STXBP5L: variants seen among roughly 807,000 people sequenced by gnomAD.
The protein encoded by STXBP5L is syntaxin binding protein 5L, also known as syntaxin-binding protein 5-like.
In STXBP5L, 65 loss-of-function variants were observed where a neutral mutation model predicts 144.5. The ratio of observed to expected loss-of-function variants is 0.45; its 90% CI spans 0.37 to 0.55. The LOEUF (loss-of-function observed/expected upper bound fraction) is 0.55, where lower values mean the gene tolerates loss of function less well. Among genes scored for constraint, STXBP5L ranks in the 20% least tolerant of loss-of-function variants. The pLI is 0.00. For synonymous variants in STXBP5L, 505 were observed against 469.6 expected, an observed-to-expected ratio of 1.08 and a Z score of -0.97; for missense variants, 1,298 against 1,405.5, an observed-to-expected ratio of 0.92 and a Z score of 1.22.
intron 5 of STXBP5L, among the ~76,000 whole-genome samples, chr3:121,081,772 T>A (rs2042258897): frequency 6.6e-6 from 1 of 152,168 alleles, no homozygotes; most frequent in South Asian, 2.1e-4. Context: ...GGCCCAGTAT[T>A]TATTAAGTTG....
chr3:121,207,773 C>A (rs1274287699), intron 10 of STXBP5L, among the ~76,000 whole-genome samples: 1 of 152,070 alleles, frequency 6.6e-6, no homozygotes, highest in Non-Finnish European at 1.5e-5. Context: ...CAAATCAAAA[C>A]CACAGTGAGA....
At chr3:121,333,005 T>A (rs2044375279) in intron 20 of STXBP5L, among the ~76,000 whole-genome samples, 1 of 151,840 alleles carries the variant, frequency 6.6e-6, no homozygotes, top group African/African-American at 2.4e-5. Flanking sequence ...GAAGGAGAAA[T>A]AAAGTCTTTT....
chr3:121,282,845 T>A (rs1363093200), intron 19 of STXBP5L, among the ~76,000 whole-genome samples: 1 of 152,026 alleles, frequency 6.6e-6, no homozygotes. Flanking sequence ...TATACAAACA[T>A]ATTTCTATGG....
chr3:120,973,338 GT>G (rs2107806199), intron 3 of STXBP5L, among the ~76,000 whole-genome samples: 1 of 151,618 alleles, frequency 6.6e-6, no homozygotes, highest in African/African-American at 2.4e-5. Flanking sequence ...CTTCCTCTTG[GT>G]TTTTAGTTTG....
intron 3 of STXBP5L, among the ~76,000 whole-genome samples, chr3:121,037,796 G>C (rs1409762168): frequency 6.6e-6 from 1 of 151,908 alleles, no homozygotes; most frequent in Non-Finnish European, 1.5e-5. Flanking sequence ...TCTTGACCTG[G>C]AGTTTTCTTT....
chr3:121,095,782 A>T (rs1004677595), intron 5 of STXBP5L, among the ~76,000 whole-genome samples: 1 of 152,050 alleles, frequency 6.6e-6, no homozygotes, highest in African/African-American at 2.4e-5. Flanking sequence ...TTCTTCTCTC[A>T]ACTCGTCAAA....
Position 121,419,206 on chromosome 3 carries a change from C to A in STXBP5L, c.*109C>A. On this transcript the variant is annotated 3_prime_UTR_variant, in exon 27 of 27. Transcript: ENST00000471454. ...AGCCAGTTTCTTCTACAAAATGTTC[C>A]ATTTACAGTCAATCTGAAATTTTCA... 1 of 1,052,756 alleles carries A rather than the reference C, an allele frequency of 9.5e-7. No individual in the cohort carries two copies. Among genetic ancestry groups the A allele is most frequent in the South Asian group, 1.6e-5 (1 of 60,880 alleles). The allele number at this position is 1,052,756 out of a possible 1,614,324, so 65.2% of individuals were successfully genotyped here. A position where few individuals can be genotyped will look rare whatever the true frequency, so the allele number is the denominator to read the frequency against.
At chr3:121,412,065 G>A (rs115230409) in intron 23 of STXBP5L, among the ~76,000 whole-genome samples, 2,288 of 151,930 alleles carry the variant, frequency 0.015, 32 homozygotes, top group Non-Finnish European at 0.023. Flanking sequence ...TTATATGAAA[G>A]TCTAGTTTAT....
intron 9 of STXBP5L, among the ~76,000 whole-genome samples, chr3:121,190,450 C>A (rs1008108783): frequency 6.6e-6 from 1 of 152,222 alleles, no homozygotes. Context: ...CCTATGTCTA[C>A]CCCCTTCAAC....
rs184552159 is a variant in STXBP5L, at chr3:121,094,436, C to G, written c.471-20489C>G. On this transcript the variant is annotated intron_variant, in intron 5 of 26. Coordinates refer to ENST00000471454, the MANE Select transcript of STXBP5L (RefSeq NM_001308330.2). ...CTCTTTATAGGTCACTCAGGACTTG[C>G]TTTATGAGTCTGGGTGCTCCTGTAT... is the stretch of plus-strand genomic sequence containing the variant. Among the ~76,000 whole-genome samples the G allele has an allele frequency of 9.7e-4, 147 of 152,016 alleles. 2 individuals are homozygous for G. The East Asian group carries it at 0.025, about 26-fold the overall frequency.
chr3:121,327,865 G>A (rs1313805861), intron 20 of STXBP5L, among the ~76,000 whole-genome samples: 1 of 152,166 alleles, frequency 6.6e-6, no homozygotes, highest in African/African-American at 2.4e-5. Flanking sequence ...AACACTTGCT[G>A]TGGTAATATT....
At chr3:121,241,094 A>T (rs902876209) in intron 14 of STXBP5L, among the ~76,000 whole-genome samples, 3 of 152,150 alleles carry the variant, frequency 2.0e-5, no homozygotes, top group Non-Finnish European at 2.9e-5. Context: ...TAAGACAAAC[A>T]TAAGATGACT....
At chr3:120,949,237 A>G (rs1382866054) in intron 2 of STXBP5L, among the ~76,000 whole-genome samples, 2 of 151,666 alleles carry the variant, frequency 1.3e-5, no homozygotes, top group Non-Finnish European at 2.9e-5. Flanking sequence ...TCCTTTGCCC[A>G]ATTTTTCATG....
At chr3:121,418,993 C>T in intron 26 of STXBP5L, 63 bp from the exon 27 acceptor site, 1 of 1,538,012 alleles carries the variant, frequency 6.5e-7, no homozygotes, top group Non-Finnish European at 8.8e-7. Flanking sequence ...TCAAAATGGC[C>T]TTGCTTTGAA....
At chr3:121,156,381 C>G (rs935944545) in intron 8 of STXBP5L, among the ~76,000 whole-genome samples, 1 of 151,946 alleles carries the variant, frequency 6.6e-6, no homozygotes, top group Non-Finnish European at 1.5e-5. Context: ...TTAATCTTCT[C>G]TCTCTTGCTG....
intron 10 of STXBP5L, among the ~76,000 whole-genome samples, chr3:121,209,299 G>C (rs2048462451): frequency 6.6e-6 from 1 of 152,090 alleles, no homozygotes; most frequent in Non-Finnish European, 1.5e-5. Flanking sequence ...AAATGGGATT[G>C]CTCGGTCAAA....
intron 2 of STXBP5L, among the ~76,000 whole-genome samples, chr3:120,921,087 C>A (rs1181250431): frequency 1.3e-5 from 2 of 151,942 alleles, no homozygotes; most frequent in Non-Finnish European, 2.9e-5. Context: ...AATTTACATT[C>A]ACACCAACAA....
At position 121,279,916 on chromosome 3, in the gene STXBP5L, A is replaced by G. The variant is rs201318691; in HGVS notation, c.2070A>G (p.Arg690=). 1.2e-4 allele frequency: 199 copies of G among 1,612,402 alleles called. No homozygotes were observed. The highest frequency in any genetic ancestry group is 1.6e-4 in the Middle Eastern group (1 of 6,082). The change falls in exon 19 of 27, where the codon CGA becomes CGG. Residue 690 remains arginine (R), a synonymous_variant. Coordinates refer to ENST00000471454, the MANE Select transcript of STXBP5L (RefSeq NM_001308330.2). ...DLYRSSDLYQ[R]QPRSPRKNKQ... is the part of the protein sequence containing the mutation. ...ATAGATCAAGTGACTTATACCAGCG[A>G]CAACCACGGTCTCCTCGAAAAAACA...
chr3:121,114,163 T>C (rs2044133022), intron 5 of STXBP5L, among the ~76,000 whole-genome samples: 1 of 152,162 alleles, frequency 6.6e-6, no homozygotes, highest in Non-Finnish European at 1.5e-5. Context: ...AATAGAGGAC[T>C]CTGGTAAATT....
Sources: allele counts gnomAD v4.1 joint callset (sites outside exome capture counted in the v4.1 genomes callset), GRCh38; gene constraint gnomAD v4.1.1; transcripts MANE v1.5; gene names NCBI Gene and HGNC (gene_info 2026-07-23, HGNC 2026-07-21).